Variants in KCNK2 observed in about 807,000 individuals in gnomAD.
KCNK2 encodes potassium channel subfamily K member 2.
A neutral mutation model predicts 40.5 loss-of-function variants in KCNK2; 21 were observed. The ratio of observed to expected loss-of-function variants is 0.52; its 90% CI spans 0.37 to 0.75. The LOEUF is 0.75. KCNK2 is among the 30% of genes least tolerant of loss of function. The pLI, the probability that KCNK2 is intolerant of heterozygous loss-of-function variation, is 0.00. For synonymous variants in KCNK2, 191 were observed against 202.2 expected (o/e 0.94, Z 0.47); for missense variants, 399 against 531.6 (o/e 0.75, Z 2.45).
chr1:215,021,590 G>C (rs1360193231), intron 1 of KCNK2, among the ~76,000 whole-genome samples: 3 of 141,386 alleles, frequency 2.1e-5, no homozygotes, highest in African/African-American at 8.4e-5. Context: ...CTGTCGCCCA[G>C]GCTGGAGTGC....
chr1:215,190,311 A>G (rs115587226), intron 5 of KCNK2, among the ~76,000 whole-genome samples: 507 of 152,266 alleles, frequency 3.3e-3, no homozygotes, highest in African/African-American at 0.012. Flanking sequence ...TTTCTAGGTG[A>G]GAACCTTGAG....
intron 6 of KCNK2, among the ~76,000 whole-genome samples, chr1:215,201,283 G>A (rs1040429779): frequency 2.6e-5 from 4 of 152,084 alleles, no homozygotes; most frequent in African/African-American, 7.2e-5. Flanking sequence ...CCAAGAAAAG[G>A]CTAACATAAT....
intron 2 of KCNK2, among the ~76,000 whole-genome samples, chr1:215,105,130 T>C (rs1660381759): frequency 6.6e-6 from 1 of 152,152 alleles, no homozygotes. Context: ...TATCGTTGAC[T>C]ATGTGCACTT....
chr1:215,132,042 T>C (rs1056756948), intron 3 of KCNK2, among the ~76,000 whole-genome samples: 1 of 152,050 alleles, frequency 6.6e-6, no homozygotes, highest in African/African-American at 2.4e-5. Flanking sequence ...AGGAAGAAAA[T>C]TAAAAGTTTG....
At chr1:215,101,129 C>T (rs994098061) in intron 2 of KCNK2, among the ~76,000 whole-genome samples, 1 of 151,994 alleles carries the variant, frequency 6.6e-6, no homozygotes, top group African/African-American at 2.4e-5. Context: ...TTTTGAAAGG[C>T]TTTGTTCTAT....
chr1:215,210,082 A>G (rs1665670669), intron 6 of KCNK2, among the ~76,000 whole-genome samples: 1 of 69,036 alleles, frequency 1.4e-5, no homozygotes, highest in African/African-American at 5.5e-5. Context: ...CACTATAGAT[A>G]TGCTATATAT....
chr1:215,127,966 C>T (rs985106684), intron 3 of KCNK2, among the ~76,000 whole-genome samples: 2 of 152,224 alleles, frequency 1.3e-5, no homozygotes, highest in South Asian at 2.1e-4. Context: ...CACTCTGTTG[C>T]TGTAAAGATA....
intron 2 of KCNK2, among the ~76,000 whole-genome samples, chr1:215,113,411 C>A (rs554604155): frequency 1.2e-3 from 175 of 152,162 alleles, no homozygotes; most frequent in African/African-American, 4.1e-3. Flanking sequence ...TTATTTTGAC[C>A]AAGTGACCCA....
At chr1:215,151,062 G>A (rs2102612862) in intron 3 of KCNK2, among the ~76,000 whole-genome samples, 1 of 152,090 alleles carries the variant, frequency 6.6e-6, no homozygotes, top group Non-Finnish European at 1.5e-5. Flanking sequence ...AAGTAGTACA[G>A]ACTATTGTCC....
intron 1 of KCNK2, among the ~76,000 whole-genome samples, chr1:215,070,415 TAAAAAAA>T (rs536258219): frequency 5.6e-4 from 52 of 93,578 alleles, no homozygotes; most frequent in African/African-American, 1.9e-3. Flanking sequence ...GACCCCGTCT[TAAAAAAA>T]AAAAAAAAAA....
chr1:215,235,251 G>C lies in KCNK2; in HGVS notation c.*106G>C. 1 of 906,516 alleles carries C rather than the reference G, an allele frequency of 1.1e-6. No homozygotes were observed. The highest frequency in any genetic ancestry group is 1.7e-6 in the Non-Finnish European group (1 of 602,010). The allele number at this position is 906,516 out of a possible 1,614,324, so 56.2% of individuals were successfully genotyped here. A position where few individuals can be genotyped will look rare whatever the true frequency, so the allele number is the denominator to read the frequency against. On this transcript the variant is annotated 3_prime_UTR_variant, in exon 7 of 7. Transcript: ENST00000444842. ...TTAAATTGTGCATGAGCTCAAAGGG[G>C]GAACAAAATAGATACACCCATCATG...
chr1:215,235,322 TTTC>T lies in KCNK2; in HGVS notation c.*179_*181del. ...TTTGGAATTCTGAGCCAGCACTTTC[TTTC>T]TGATGATGCTTGTTGAACGGTCCAC... On this transcript the variant is annotated 3_prime_UTR_variant, in exon 7 of 7. Transcript: ENST00000444842. 1.8e-6 allele frequency: 1 copy of T among 556,416 alleles called. No homozygotes were observed. The highest frequency in any genetic ancestry group is 3.2e-6 in the Non-Finnish European group (1 of 315,886). 34.5% of individuals were successfully genotyped at this position (556,416 alleles called of 1,614,324 possible).
At chr1:215,156,454 C>G (rs1662929228) in intron 3 of KCNK2, among the ~76,000 whole-genome samples, 2 of 152,204 alleles carry the variant, frequency 1.3e-5, no homozygotes, top group South Asian at 4.1e-4. Flanking sequence ...CCATCCAGCT[C>G]TTTGGCACAG....
intron 6 of KCNK2, among the ~76,000 whole-genome samples, chr1:215,231,180 C>T (rs1195543086): frequency 6.6e-6 from 1 of 152,066 alleles, no homozygotes; most frequent in Non-Finnish European, 1.5e-5. Context: ...ATTCAAATTG[C>T]AATAAAGAGA....
At chr1:215,171,285 A>T (rs2102636637) in intron 4 of KCNK2, among the ~76,000 whole-genome samples, 1 of 152,236 alleles carries the variant, frequency 6.6e-6, no homozygotes, top group South Asian at 2.1e-4. Context: ...AAAAATGGGT[A>T]TTCTGATGAC....
chr1:215,179,020 T>C (rs564109017), intron 5 of KCNK2, among the ~76,000 whole-genome samples: 22 of 152,158 alleles, frequency 1.4e-4, no homozygotes, highest in African/African-American at 4.8e-4. Context: ...AATTACTGAT[T>C]CCATTTTGGA....
chr1:215,048,629 A>G (rs946534875), intron 1 of KCNK2, among the ~76,000 whole-genome samples: 1 of 152,198 alleles, frequency 6.6e-6, no homozygotes, highest in African/African-American at 2.4e-5. Context: ...ATGGGCCACA[A>G]GTGTTTTTCC....
At chr1:215,095,058 T>C (rs1392218217) in intron 2 of KCNK2, among the ~76,000 whole-genome samples, 1 of 152,120 alleles carries the variant, frequency 6.6e-6, no homozygotes, top group Non-Finnish European at 1.5e-5. Context: ...CAATATTAAT[T>C]GTAATAATAG....
intron 1 of KCNK2, among the ~76,000 whole-genome samples, chr1:215,035,412 C>T (rs1430853263): frequency 2.6e-5 from 4 of 152,078 alleles, no homozygotes; most frequent in Non-Finnish European, 4.4e-5. Flanking sequence ...GTAGCTCCTT[C>T]GTTGTCTTCT....
Sources: gnomAD v4.1 joint callset for allele counts (sites outside exome capture counted in the v4.1 genomes callset) on GRCh38, gnomAD v4.1.1 for gene constraint, MANE v1.5 for transcripts, NCBI Gene and HGNC (gene_info 2026-07-23, HGNC 2026-07-21) for gene names.